The following MDGA2 variants were observed in gnomAD, a reference collection of about 807,000 sequenced individuals.
The protein encoded by MDGA2 is MAM domain-containing glycosylphosphatidylinositol anchor protein 2.
MDGA2 carries 40 observed loss-of-function variants against 117.8 expected under a neutral mutation model. The ratio of observed to expected loss-of-function variants is 0.34; its 90% confidence interval spans 0.26 to 0.44. MDGA2 has a LOEUF of 0.44. Ranked by LOEUF, MDGA2 falls within the 20% of genes least tolerant of loss-of-function variation. The pLI is 1.00. For synonymous variants in MDGA2, 452 were observed against 439.0 expected, an observed-to-expected ratio of 1.03 and a Z score of -0.37; for missense variants, 1,123 against 1,250.6, an observed-to-expected ratio of 0.90 and a Z score of 1.54.
intron 7 of MDGA2, among the ~76,000 whole-genome samples, chr14:47,040,818 T>A (rs1422095831): frequency 6.6e-6 from 1 of 152,240 alleles, no homozygotes; most frequent in African/African-American, 2.4e-5. Flanking sequence ...TATTTTCTTC[T>A]ATGTTTATAT....
intron 10 of MDGA2, among the ~76,000 whole-genome samples, chr14:46,901,317 A>G (rs1883278026): frequency 6.6e-6 from 1 of 152,170 alleles, no homozygotes; most frequent in Non-Finnish European, 1.5e-5. Flanking sequence ...CATGTACCCT[A>G]AAACTTAAAG....
chr14:47,363,983 T>A (rs1891179513), intron 1 of MDGA2, among the ~76,000 whole-genome samples: 1 of 152,110 alleles, frequency 6.6e-6, no homozygotes, highest in Non-Finnish European at 1.5e-5. Context: ...GTATAGATAG[T>A]AACTGTCTAA....
At chr14:47,403,592 T>C (rs1466447074) in intron 1 of MDGA2, among the ~76,000 whole-genome samples, 1 of 152,134 alleles carries the variant, frequency 6.6e-6, no homozygotes, top group East Asian at 1.9e-4. Context: ...CCTCACCCTC[T>C]ACTACTTGAA....
At chr14:47,157,595 A>ATG (rs55697311) in intron 3 of MDGA2, among the ~76,000 whole-genome samples, 23,935 of 144,050 alleles carry the variant, frequency 0.17, 2,007 homozygotes, top group East Asian at 0.35. Context: ...ATGTACATAT[A>ATG]TGTGTGTGTG....
At chr14:47,073,261 A>G (rs1368157528) in intron 6 of MDGA2, among the ~76,000 whole-genome samples, 1 of 152,186 alleles carries the variant, frequency 6.6e-6, no homozygotes, top group Non-Finnish European at 1.5e-5. Context: ...GTGAGTGGCA[A>G]TGGTTTCTGG....
chr14:46,919,499 G>A (rs1232243176), intron 10 of MDGA2, among the ~76,000 whole-genome samples: 1 of 152,106 alleles, frequency 6.6e-6, no homozygotes, highest in Non-Finnish European at 1.5e-5. Context: ...GCTCCCTTAA[G>A]AAACTATCAT....
At chr14:47,605,224 G>A (rs1896721177) in intron 1 of MDGA2, among the ~76,000 whole-genome samples, 1 of 151,938 alleles carries the variant, frequency 6.6e-6, no homozygotes, top group Admixed American at 6.5e-5. Flanking sequence ...ACTTGACCAG[G>A]ACCCCATGAA....
chr14:47,384,346 C>A (rs1238317734), intron 1 of MDGA2, among the ~76,000 whole-genome samples: 8 of 150,806 alleles, frequency 5.3e-5, no homozygotes, highest in Non-Finnish European at 1.2e-4. Flanking sequence ...TACTATACAA[C>A]CTCATTTTGA....
intron 2 of MDGA2, among the ~76,000 whole-genome samples, chr14:47,239,810 G>A (rs1886980388): frequency 6.6e-6 from 1 of 151,756 alleles, no homozygotes; most frequent in Non-Finnish European, 1.5e-5. Context: ...ATACACAAAT[G>A]TTATTGCATC....
intron 10 of MDGA2, among the ~76,000 whole-genome samples, chr14:46,898,393 G>T (rs536158774): frequency 2.4e-4 from 37 of 152,086 alleles, no homozygotes; most frequent in Admixed American, 9.8e-4. Context: ...ACAGAGAAAG[G>T]CGTCAAGGTA....
chr14:46,889,619 C>A (rs1254271101), intron 10 of MDGA2, among the ~76,000 whole-genome samples: 1 of 152,026 alleles, frequency 6.6e-6, no homozygotes, highest in Non-Finnish European at 1.5e-5. Context: ...TCTATTCAGT[C>A]TGCATTTTTC....
intron 8 of MDGA2, among the ~76,000 whole-genome samples, chr14:46,981,654 A>T (rs1334008180): frequency 3.3e-5 from 5 of 152,168 alleles, no homozygotes. Context: ...CAGTACTGTA[A>T]GTTTTCACAA....
intron 16 of MDGA2, among the ~76,000 whole-genome samples, chr14:46,844,435 G>T (rs1376999285): frequency 6.6e-6 from 1 of 152,004 alleles, no homozygotes; most frequent in Non-Finnish European, 1.5e-5. Flanking sequence ...CAAAAAATTA[G>T]CGGGGTGTGG....
chr14:46,980,125 T>G (rs1450296437), intron 8 of MDGA2, among the ~76,000 whole-genome samples: 2 of 152,118 alleles, frequency 1.3e-5, no homozygotes, highest in African/African-American at 4.8e-5. Flanking sequence ...TTATGCTAAA[T>G]CAACATTATG....
At chr14:47,014,037 T>G (rs1021918892) in intron 8 of MDGA2, among the ~76,000 whole-genome samples, 6 of 151,764 alleles carry the variant, frequency 4.0e-5, no homozygotes, top group Non-Finnish European at 8.8e-5. Context: ...TCAGGTGATC[T>G]GCCCACCTTG....
rs974744622 is a variant in MDGA2, at chr14:47,511,366, C to A, written c.280+163151G>T. 2.6e-5 allele frequency among the ~76,000 whole-genome samples: 4 copies of A among 152,094 alleles called. No individual in the cohort carries two copies. The South Asian group carries it at 8.3e-4, about 31-fold the overall frequency. On this transcript the variant is annotated intron_variant, in intron 1 of 16. Coordinates refer to ENST00000399232, the MANE Select transcript of MDGA2 (RefSeq NM_001113498.3). Reference sequence around the variant, plus strand: ...AGAACATATCTATTAAATAATTAGACATTTAAAAATTTATATGATGTGGAA... The same window carrying A: ...AGAACATATCTATTAAATAATTAGAAATTTAAAAATTTATATGATGTGGAA...
At chr14:47,201,029 GT>G in intron 3 of MDGA2, 2 of 1,100,088 alleles carry the variant, frequency 1.8e-6, no homozygotes, top group Non-Finnish European at 2.8e-6. Context: ...AGCAGTACCT[GT>G]TTAGCCACAA....
At chr14:47,310,005 A>G (rs1889583231) in intron 1 of MDGA2, among the ~76,000 whole-genome samples, 1 of 152,204 alleles carries the variant, frequency 6.6e-6, no homozygotes, top group Non-Finnish European at 1.5e-5. Context: ...TTTATAAAAA[A>G]TTGAATACAA....
chr14:47,328,751 A>G (rs1032336373), intron 1 of MDGA2, among the ~76,000 whole-genome samples: 18 of 152,294 alleles, frequency 1.2e-4, no homozygotes, highest in African/African-American at 4.3e-4. Flanking sequence ...AATTCACATT[A>G]TAAATATGAG....
Sources: allele counts gnomAD v4.1 joint callset (sites outside exome capture counted in the v4.1 genomes callset), GRCh38; gene constraint gnomAD v4.1.1; transcripts MANE v1.5; gene names NCBI Gene and HGNC (gene_info 2026-07-23, HGNC 2026-07-21).